MID1: variants seen among roughly 807,000 people sequenced by gnomAD.
The protein encoded by MID1 is midline 1.
In MID1, 7 loss-of-function variants were observed where a neutral mutation model predicts 40.4. That is an observed-to-expected ratio of 0.17 (90% CI 0.10 to 0.33). MID1 has a LOEUF of 0.33. MID1 is among the 10% of genes least tolerant of loss of function. MID1 has a pLI of 1.00. For missense variants in MID1, 367 were observed against 558.5 expected (o/e 0.66, Z 3.46); for synonymous variants, 229 against 221.2 (o/e 1.04, Z -0.31).
At chrX:10,619,953 G>C (rs1335141452) in intron 1 of MID1, among the ~76,000 whole-genome samples, 5 of 111,049 alleles carry the variant, frequency 4.5e-5, no homozygotes, top group Non-Finnish European at 9.5e-5. Context: ...GGCACTAAAA[G>C]CTCGAGATAC....
Position 10,567,029 on chromosome X carries a change from C to T in MID1, c.519G>A (p.Leu173=), listed in dbSNP as rs200891911. Residue 173 remains leucine (L), a synonymous_variant, in exon 2 of 10, where the codon CTG becomes CTA. Coordinates refer to ENST00000317552, the MANE Select transcript of MID1 (RefSeq NM_000381.4). ...EPIPDSHIRG[L]MCLEHEDEKV... ...TCTCATCCTCATGCTCCAAGCACAT[C>T]AGCCCCCGGATGTGAGAGTCCGGAA... 17 of 1,210,013 alleles carry T rather than the reference C, an allele frequency of 1.4e-5. No individual in the cohort carries two copies. Among genetic ancestry groups the T allele is most frequent in the Non-Finnish European group, 1.9e-5 (17 of 895,257 alleles).
chrX:10,569,066 G>A (rs1166991063), intron 1 of MID1, among the ~76,000 whole-genome samples: 1 of 111,733 alleles, frequency 8.9e-6, no homozygotes, highest in Non-Finnish European at 1.9e-5. Context: ...ACAATCAATC[G>A]TTTGTATTCA....
chrX:10,567,591 G>A lies in MID1; in HGVS notation c.-44C>T, dbSNP rs1437888074. The stretch of plus-strand genomic sequence containing the variant: ...TGTGTCATCAGCAAAACCCAAGGAA[G>A]CTGATCAGCTATCTGGAAACAAGAA... On this transcript the variant is annotated 5_prime_UTR_variant, in exon 2 of 10. Coordinates refer to ENST00000317552, the MANE Select transcript of MID1 (RefSeq NM_000381.4). 8.4e-6 allele frequency: 10 copies of A among 1,194,188 alleles called. No individual in the cohort carries two copies. The highest frequency in any genetic ancestry group is 1.1e-5 in the Non-Finnish European group (10 of 879,712).
At chrX:10,636,515 G>A (rs976671456) in intron 1 of MID1, among the ~76,000 whole-genome samples, 5 of 109,396 alleles carry the variant, frequency 4.6e-5, no homozygotes, top group East Asian at 2.9e-4. Flanking sequence ...ATTTGGACCC[G>A]GAGTGAAAAG....
At chrX:10,696,929 G>A (rs1175104232) in intron 1 of MID1, among the ~76,000 whole-genome samples, 1 of 111,916 alleles carries the variant, frequency 8.9e-6, no homozygotes, top group East Asian at 2.8e-4. Flanking sequence ...GAACAAACAG[G>A]AGGCTGACCT....
At chrX:10,569,769 G>A (rs1416832932) in intron 1 of MID1, among the ~76,000 whole-genome samples, 7 of 111,273 alleles carry the variant, frequency 6.3e-5, no homozygotes, top group Non-Finnish European at 1.3e-4. Flanking sequence ...ATTCCACTGG[G>A]GAGACCTCAG....
intron 1 of MID1, among the ~76,000 whole-genome samples, chrX:10,766,439 G>A (rs1044765033): frequency 7.1e-5 from 8 of 112,007 alleles, no homozygotes; most frequent in African/African-American, 2.6e-4. Flanking sequence ...GGCTGATGTG[G>A]TCATGTGGGA....
intron 1 of MID1, among the ~76,000 whole-genome samples, chrX:10,788,705 G>A (rs958909923): frequency 6.3e-5 from 7 of 111,717 alleles, no homozygotes; most frequent in Non-Finnish European, 1.3e-4. Context: ...GTAATGGGTA[G>A]AGGCTAGGAA....
intron 2 of MID1, among the ~76,000 whole-genome samples, chrX:10,524,803 G>A (rs1400426348): frequency 1.8e-5 from 2 of 112,237 alleles, no homozygotes; most frequent in Admixed American, 9.5e-5. Context: ...GAGGCTTGAA[G>A]GATGTCCAGG....
At chrX:10,581,859 C>T (rs749599086) in intron 1 of MID1, among the ~76,000 whole-genome samples, 72 of 111,579 alleles carry the variant, frequency 6.5e-4, no homozygotes, top group African/African-American at 2.1e-3. Flanking sequence ...GCTTCACTTC[C>T]GCTTCCCAGT....
intron 1 of MID1, among the ~76,000 whole-genome samples, chrX:10,703,248 T>C (rs2043203796): frequency 8.9e-6 from 1 of 112,805 alleles, no homozygotes; most frequent in Admixed American, 9.4e-5. Flanking sequence ...AATCTTTAAG[T>C]ATTATTACTA....
chrX:10,814,634 T>C (rs1344378354), intron 1 of MID1, among the ~76,000 whole-genome samples: 1 of 110,253 alleles, frequency 9.1e-6, no homozygotes, highest in Admixed American at 9.7e-5. Context: ...TGCGCATGCA[T>C]GCACATATTT....
At chrX:10,536,687 G>A (rs1933268727) in intron 2 of MID1, among the ~76,000 whole-genome samples, 1 of 112,157 alleles carries the variant, frequency 8.9e-6, no homozygotes, top group Non-Finnish European at 1.9e-5. Flanking sequence ...TCAAAATGTA[G>A]CTTGGCCCAA....
intron 1 of MID1, among the ~76,000 whole-genome samples, chrX:10,627,657 C>T (rs1936009620): frequency 9.0e-6 from 1 of 111,300 alleles, no homozygotes; most frequent in Non-Finnish European, 1.9e-5. Flanking sequence ...TCCTTATATA[C>T]GAGAAAGATT....
chrX:10,636,785 G>GATATATATATATATAT (rs60188235), intron 1 of MID1, among the ~76,000 whole-genome samples: 1,610 of 42,477 alleles, frequency 0.038, 105 homozygotes, highest in Middle Eastern at 0.044. Context: ...CAACAATGGG[G>GATATATATATATATAT]ATATATATAT....
At chrX:10,538,931 CA>C (rs1933366030) in intron 2 of MID1, among the ~76,000 whole-genome samples, 1 of 112,153 alleles carries the variant, frequency 8.9e-6, no homozygotes, top group Non-Finnish European at 1.9e-5. Flanking sequence ...AGAGTTTAAT[CA>C]TATGGTTCTG....
At chrX:10,730,535 C>T (rs948813551) in intron 1 of MID1, among the ~76,000 whole-genome samples, 1 of 108,645 alleles carries the variant, frequency 9.2e-6, no homozygotes, top group Non-Finnish European at 1.9e-5. Flanking sequence ...TCAAATCGTA[C>T]CGCAACTAAC....
chrX:10,781,109 G>A (rs756779645), intron 1 of MID1, among the ~76,000 whole-genome samples: 1 of 111,750 alleles, frequency 8.9e-6, no homozygotes, highest in Non-Finnish European at 1.9e-5. Context: ...ATAAGTGAAG[G>A]GGAAAAAGAG....
intron 1 of MID1, chrX:10,677,524 G>C (rs933975713): frequency 1.2e-4 from 13 of 112,523 alleles, no homozygotes; most frequent in Non-Finnish European, 2.4e-4. Flanking sequence ...ACAAGCAGAT[G>C]GCAGTCTTCT....
Sources: gnomAD v4.1 joint callset for allele counts (sites outside exome capture counted in the v4.1 genomes callset) on GRCh38, gnomAD v4.1.1 for gene constraint, MANE v1.5 for transcripts, NCBI Gene and HGNC (gene_info 2026-07-23, HGNC 2026-07-21) for gene names.